The following ZFPM2 variants were observed in gnomAD, a reference collection of about 807,000 sequenced individuals.
The protein encoded by ZFPM2 is zinc finger protein, FOG family member 2.
In ZFPM2, 20 loss-of-function variants were observed where a neutral mutation model predicts 98.6. That is an observed-to-expected ratio of 0.20 (90% confidence interval 0.14 to 0.29). ZFPM2 has a LOEUF of 0.29. Ranked by LOEUF, ZFPM2 falls within the 10% of genes least tolerant of loss-of-function variation. The probability of loss-of-function intolerance (pLI) is 1.00; values close to 1 mark genes in which losing one functional copy is unlikely to be tolerated. For synonymous variants in ZFPM2, 518 were observed against 502.7 expected, an observed-to-expected ratio of 1.03 and a Z score of -0.41; for missense variants, 1,310 against 1,388.6, an observed-to-expected ratio of 0.94 and a Z score of 0.90.
chr8:105,418,919 T>C (rs998971456), intron 1 of ZFPM2: 5 of 592,014 alleles, frequency 8.4e-6, no homozygotes, highest in African/African-American at 1.9e-5. Flanking sequence ...GCAGGTTGCT[T>C]TCTGTGTTAT....
At position 105,361,544 on chromosome 8, in the gene ZFPM2, T is replaced by A. The variant is rs112814836; in HGVS notation, c.40+42563T>A. On this transcript the variant is annotated intron_variant, in intron 1 of 7. Coordinates refer to ENST00000407775, the MANE Select transcript of ZFPM2 (RefSeq NM_012082.4). ...TTGGTGTTTTAGACATGGAGATCTT[T>A]AACTTTTTGCCATTTGTTACATATA... 5.6e-3 allele frequency among the ~76,000 whole-genome samples: 852 copies of A among 152,288 alleles called. 6 individuals carry two copies. Among genetic ancestry groups the A allele is most frequent in the African/African-American group, 0.019 (788 of 41,574 alleles).
chr8:105,318,452 G>A lies in ZFPM2; in HGVS notation c.-490G>A, dbSNP rs1811947296. Reference sequence around the variant, plus strand: ...CCTCCCGCCGCAGAACAGGAGCTGCGCGGCCCGGAGCGGCGGCGGCGGCGC... The same window carrying A: ...CCTCCCGCCGCAGAACAGGAGCTGCACGGCCCGGAGCGGCGGCGGCGGCGC... On this transcript the variant is annotated 5_prime_UTR_variant, in exon 1 of 8. Transcript: ENST00000407775. 6.6e-6 allele frequency among the ~76,000 whole-genome samples: 1 copy of A among 151,100 alleles called. No homozygotes were observed. The highest frequency in any genetic ancestry group is 2.4e-5 in the African/African-American group (1 of 41,172).
At chr8:105,560,662 A>C (rs1235672829) in intron 3 of ZFPM2, among the ~76,000 whole-genome samples, 3 of 151,788 alleles carry the variant, frequency 2.0e-5, no homozygotes, top group African/African-American at 7.3e-5. Flanking sequence ...CATTTAATGA[A>C]TTCTTACTTT....
At chr8:105,378,637 T>C (rs1483169182) in intron 1 of ZFPM2, among the ~76,000 whole-genome samples, 1 of 152,220 alleles carries the variant, frequency 6.6e-6, no homozygotes, top group African/African-American at 2.4e-5. Context: ...TGAGTATATG[T>C]ATATTTCTTT....
At chr8:105,487,929 TCTAGCTAG>T (rs67078135) in intron 3 of ZFPM2, among the ~76,000 whole-genome samples, 4,864 of 82,502 alleles carry the variant, frequency 0.059, 98 homozygotes, top group Non-Finnish European at 0.071. Flanking sequence ...TATCTATCTA[TCTAGCTAG>T]CTAGCTAGCT....
At chr8:105,405,620 T>C (rs1172720028) in intron 1 of ZFPM2, among the ~76,000 whole-genome samples, 1 of 152,106 alleles carries the variant, frequency 6.6e-6, no homozygotes, top group Admixed American at 6.6e-5. Flanking sequence ...CATCATTTTT[T>C]ATGGCTGCAT....
intron 2 of ZFPM2, among the ~76,000 whole-genome samples, chr8:105,422,787 T>C (rs1811830640): frequency 6.6e-6 from 1 of 152,180 alleles, no homozygotes; most frequent in South Asian, 2.1e-4. Flanking sequence ...AGGATAAACA[T>C]AGAGTTACTA....
At chr8:105,656,615 A>T (rs1343482430) in intron 5 of ZFPM2, among the ~76,000 whole-genome samples, 1 of 152,006 alleles carries the variant, frequency 6.6e-6, no homozygotes, top group African/African-American at 2.4e-5. Context: ...CAAGGCCGTG[A>T]CTCTTAATGG....
At chr8:105,396,501 TGAA>T (rs1334027079) in intron 1 of ZFPM2, among the ~76,000 whole-genome samples, 2 of 152,174 alleles carry the variant, frequency 1.3e-5, no homozygotes, top group African/African-American at 4.8e-5. Context: ...GCTGTGGGAA[TGAA>T]GAACAGGTTA....
At chr8:105,792,269 C>T (rs1038537068) in intron 6 of ZFPM2, among the ~76,000 whole-genome samples, 2 of 152,138 alleles carry the variant, frequency 1.3e-5, no homozygotes, top group African/African-American at 2.4e-5. Flanking sequence ...GAATGTGTCC[C>T]AGAGATTCAG....
chr8:105,468,752 C>A (rs1156300193), intron 3 of ZFPM2, among the ~76,000 whole-genome samples: 1 of 152,154 alleles, frequency 6.6e-6, no homozygotes, highest in Non-Finnish European at 1.5e-5. Flanking sequence ...GAATCTCAGG[C>A]AATCCTCTCA....
intron 2 of ZFPM2, among the ~76,000 whole-genome samples, chr8:105,432,365 G>A (rs1488703192): frequency 6.6e-6 from 1 of 152,098 alleles, no homozygotes; most frequent in African/African-American, 2.4e-5. Flanking sequence ...GTTATATAAA[G>A]GGCATTCAGA....
chr8:105,581,278 CT>C (rs1815591732), intron 4 of ZFPM2, among the ~76,000 whole-genome samples: 2 of 152,184 alleles, frequency 1.3e-5, no homozygotes, highest in Admixed American at 1.3e-4. Context: ...TAATTGTGAG[CT>C]TTTGTGTACT....
At chr8:105,574,028 G>C (rs1322422339) in intron 4 of ZFPM2, among the ~76,000 whole-genome samples, 1 of 152,126 alleles carries the variant, frequency 6.6e-6, no homozygotes, top group Non-Finnish European at 1.5e-5. Flanking sequence ...AACAAACCTG[G>C]ATTCCTTTTA....
intron 3 of ZFPM2, among the ~76,000 whole-genome samples, chr8:105,477,484 C>G (rs1233386106): frequency 6.6e-6 from 1 of 151,914 alleles, no homozygotes; most frequent in Non-Finnish European, 1.5e-5. Context: ...ACCTCGTGAT[C>G]CACCCACCTC....
At chr8:105,445,240 C>G (rs1298911521) in intron 3 of ZFPM2, among the ~76,000 whole-genome samples, 1 of 152,034 alleles carries the variant, frequency 6.6e-6, no homozygotes, top group Non-Finnish European at 1.5e-5. Context: ...TTTCTGAAAC[C>G]AGCAGCTGGA....
In ZFPM2 at chr8:105,625,093, C is replaced by CATAA. The variant is rs1162230824; in HGVS notation, c.421-9150_421-9147dup. Among the ~76,000 whole-genome samples, 7 of 152,300 alleles carry CATAA rather than the reference C, an allele frequency of 4.6e-5. 1 individual carries two copies. The Middle Eastern group carries it at 0.02, about 444-fold the overall frequency. On this transcript the variant is annotated intron_variant, in intron 4 of 7. Transcript: ENST00000407775. ...ATGAAATCTTCCTGGAATCTCCATTCATAAATCTATTCTGTGCCTAATTAT... is the reference window on the plus strand; with the variant it reads ...ATGAAATCTTCCTGGAATCTCCATTCATAAATAAATCTATTCTGTGCCTAATTAT...
chr8:105,724,349 A>G (rs1811755375), intron 5 of ZFPM2, among the ~76,000 whole-genome samples: 1 of 151,922 alleles, frequency 6.6e-6, no homozygotes, highest in African/African-American at 2.4e-5. Flanking sequence ...TATATCAAGC[A>G]ATTCAACTTT....
intron 2 of ZFPM2, among the ~76,000 whole-genome samples, chr8:105,439,968 G>A (rs1412638331): frequency 3.9e-5 from 6 of 152,130 alleles, no homozygotes; most frequent in Non-Finnish European, 7.4e-5. Flanking sequence ...AAAGGTCAAC[G>A]TTTCCCCAAA....
Sources: allele counts gnomAD v4.1 joint callset (sites outside exome capture counted in the v4.1 genomes callset), GRCh38; gene constraint gnomAD v4.1.1; transcripts MANE v1.5; gene names NCBI Gene and HGNC (gene_info 2026-07-23, HGNC 2026-07-21).